AP4E1: variants seen among roughly 807,000 people sequenced by gnomAD.
AP4E1 encodes the protein adaptor related protein complex 4 subunit epsilon 1, also known as AP-4 complex subunit epsilon-1.
AP4E1 carries 56 observed loss-of-function variants against 128.2 expected under a neutral mutation model. The ratio of observed to expected loss-of-function variants is 0.44; its 90% CI spans 0.35 to 0.55. The LOEUF is 0.55. Ranked by LOEUF, AP4E1 falls within the 20% of genes least tolerant of loss-of-function variation. The pLI is 0.00. For synonymous variants in AP4E1, 484 were observed against 473.1 expected (o/e 1.02, Z -0.30); for missense variants, 1,324 against 1,307.7 (o/e 1.01, Z -0.19).
intron 14 of AP4E1, among the ~76,000 whole-genome samples, chr15:50,964,199 T>C (rs186125659): frequency 2.0e-5 from 3 of 152,342 alleles, no homozygotes; most frequent in African/African-American, 7.2e-5. Context: ...TATTTATTTA[T>C]TTTTGTCTGG....
chr15:50,950,057 A>T lies in AP4E1; in HGVS notation c.1436A>T (p.Asp479Val). 6.2e-7 allele frequency: 1 copy of T among 1,611,702 alleles called. No individual in the cohort carries two copies. Among genetic ancestry groups the T allele is most frequent in the Non-Finnish European group, 8.5e-7 (1 of 1,178,038 alleles). Residue 479 changes from aspartate (D) to valine (V), a missense_variant, in exon 13 of 21, where the codon GAT becomes GTT. By Grantham distance (152) the Asp-to-Val change is radical. Coordinates refer to ENST00000261842, the MANE Select transcript of AP4E1 (RefSeq NM_007347.5). ...NFLRLLAEGF[D>V]DETEDQQLRL... Reference sequence around the variant, plus strand: ...TGTATCAATTTCTTTGTAGGTTTTGATGATGAAACAGAAGATCAGCAATTA... The same window carrying T: ...TGTATCAATTTCTTTGTAGGTTTTGTTGATGAAACAGAAGATCAGCAATTA...
At chr15:50,956,614 A>G (rs2064226778) in intron 13 of AP4E1, among the ~76,000 whole-genome samples, 2 of 152,138 alleles carry the variant, frequency 1.3e-5, no homozygotes, top group African/African-American at 4.8e-5. Flanking sequence ...AAGCCAAGTG[A>G]AAGGGGAAGC....
chr15:50,951,841 C>A (rs1006850107), intron 13 of AP4E1, among the ~76,000 whole-genome samples: 1 of 150,156 alleles, frequency 6.7e-6, no homozygotes, highest in African/African-American at 2.5e-5. Flanking sequence ...ATTCTCCTGT[C>A]TTGGCATCCC....
chr15:50,997,342 C>T lies in AP4E1; in HGVS notation c.2363C>T (p.Thr788Ile), dbSNP rs2064889758. The T allele has an allele frequency of 6.3e-7, 1 of 1,598,168 alleles. No homozygotes were observed. Among genetic ancestry groups the T allele is most frequent in the Non-Finnish European group, 8.5e-7 (1 of 1,176,006 alleles). Residue 788 changes from threonine (T) to isoleucine (I), a missense_variant, in exon 18 of 21, where the codon ACT becomes ATT. Coordinates refer to ENST00000261842, the MANE Select transcript of AP4E1 (RefSeq NM_007347.5). ...STINLLGKAD[T>I]VSHKFRRKSK... ...TTTTTGCAGCTGGGAAAAGCAGATA[C>T]TGTCTCTCACAAGTTCAGAAGGAAA...
intron 2 of AP4E1, among the ~76,000 whole-genome samples, chr15:50,912,577 A>G (rs1294744952): frequency 6.6e-6 from 1 of 152,206 alleles, no homozygotes; most frequent in Non-Finnish European, 1.5e-5. Context: ...ATATTCAGCA[A>G]CTATTTAATG....
chr15:50,949,428 A>AT (rs61554948), intron 11 of AP4E1, among the ~76,000 whole-genome samples: 4 of 151,450 alleles, frequency 2.6e-5, no homozygotes, highest in Admixed American at 2.6e-4. Flanking sequence ...AAAAAAAAAA[A>AT]GGAAAAAAAG....
rs539408428 is a variant in AP4E1, at chr15:51,002,622, A to G, written c.3374A>G (p.Tyr1125Cys). The G allele has an allele frequency of 3.7e-6, 6 of 1,614,128 alleles. No homozygotes were observed. Among genetic ancestry groups the G allele is most frequent in the South Asian group, 3.3e-5 (3 of 91,090 alleles). The change falls in exon 21 of 21, where the codon TAT becomes TGT. Residue 1125 changes from tyrosine (Y) to cysteine (C), a missense_variant. By Grantham distance (194) the Tyr-to-Cys change is radical (BLOSUM62 -2). Transcript: ENST00000261842. ...FRSSCSTLPD[Y>C]LLYQCQKVME... Reference sequence around the variant, plus strand: ...TCCTCCTGTTCTACTCTTCCTGACTATTTACTGTATCAGTGTCAAAAGGTG... The same window carrying G: ...TCCTCCTGTTCTACTCTTCCTGACTGTTTACTGTATCAGTGTCAAAAGGTG...
intron 15 of AP4E1, among the ~76,000 whole-genome samples, chr15:50,978,596 C>T (rs1199838233): frequency 6.6e-6 from 1 of 152,118 alleles, no homozygotes; most frequent in Non-Finnish European, 1.5e-5. Context: ...ATAGTTTATA[C>T]TTTATTATGT....
At position 50,908,983 on chromosome 15, in the gene AP4E1, A is replaced by C. The variant is rs1293842607; in HGVS notation, c.150+55A>C. On this transcript the variant is annotated intron_variant, in intron 1 of 20. Transcript: ENST00000261842. ...GACATCGGAGTGAGGCCCCCGCGCCAGGAGGCCCTGGCCGGGCGGCGAGAC... is the reference window on the plus strand; with the variant it reads ...GACATCGGAGTGAGGCCCCCGCGCCCGGAGGCCCTGGCCGGGCGGCGAGAC... 7 of 1,602,222 alleles carry C rather than the reference A, an allele frequency of 4.4e-6. No homozygotes were observed. In the Admixed American group the frequency reaches 1.0e-4, roughly 23 times the overall value.
Position 50,926,075 on chromosome 15 carries a change from TG to T in AP4E1, c.542+857del, listed in dbSNP as rs544419308. Among the ~76,000 whole-genome samples, 240 of 152,276 alleles carry T rather than the reference TG, an allele frequency of 1.6e-3. 1 individual carries two copies. The highest frequency in any genetic ancestry group is 5.4e-3 in the South Asian group (26 of 4,824). ...CTTATCAGACTGACTTACTTTTCACTGTATTTGAATTATTAATATTTTGTTT... is the reference window on the plus strand; with the variant it reads ...CTTATCAGACTGACTTACTTTTCACTTATTTGAATTATTAATATTTTGTTT... On this transcript the variant is annotated intron_variant, in intron 5 of 20. Transcript: ENST00000261842.
intron 14 of AP4E1, among the ~76,000 whole-genome samples, chr15:50,960,272 G>A (rs1462913361): frequency 6.6e-6 from 1 of 152,002 alleles, no homozygotes; most frequent in Non-Finnish European, 1.5e-5. Flanking sequence ...AGACCAAATG[G>A]ACCTAACAGA....
At position 50,983,100 on chromosome 15, in the gene AP4E1, G is replaced by A. The variant is rs561604732; in HGVS notation, c.1967-922G>A. On this transcript the variant is annotated intron_variant, in intron 15 of 20. Transcript: ENST00000261842. ...AGTGGGACCTCATACAAGATAGACGGTTATTGCTTTCTCCTATTAAAGGAA... is the reference window on the plus strand; with the variant it reads ...AGTGGGACCTCATACAAGATAGACGATTATTGCTTTCTCCTATTAAAGGAA... Among the ~76,000 whole-genome samples the A allele has an allele frequency of 9.0e-4, 137 of 152,248 alleles. 1 individual carries two copies. Among genetic ancestry groups the A allele is most frequent in the African/African-American group, 3.1e-3 (129 of 41,550 alleles).
At chr15:50,962,633 C>A (rs2064330877) in intron 14 of AP4E1, among the ~76,000 whole-genome samples, 1 of 151,736 alleles carries the variant, frequency 6.6e-6, no homozygotes, top group Non-Finnish European at 1.5e-5. Flanking sequence ...AATGTAAGAT[C>A]CAAAACTATA....
At chr15:50,997,093 G>T (rs909917761) in intron 17 of AP4E1, among the ~76,000 whole-genome samples, 2 of 152,080 alleles carry the variant, frequency 1.3e-5, no homozygotes, top group Non-Finnish European at 2.9e-5. Context: ...TTCTTCTTCG[G>T]ATTCCATGTG....
At chr15:50,980,934 T>C (rs572296951) in intron 15 of AP4E1, among the ~76,000 whole-genome samples, 180 of 152,326 alleles carry the variant, frequency 1.2e-3, no homozygotes, top group African/African-American at 4.3e-3. Context: ...TTTCAGAAGA[T>C]GTCGTGGACT....
At chr15:50,941,385 A>T (rs1047164622) in intron 8 of AP4E1, 57 bp from the exon 9 acceptor site, 178 of 1,570,242 alleles carry the variant, frequency 1.1e-4, no homozygotes, top group Non-Finnish European at 1.5e-4. Flanking sequence ...CTACACAAAT[A>T]CATTGTTTTG....
At position 50,984,138 on chromosome 15, in the gene AP4E1, C is replaced by A. The variant is rs775541938; in HGVS notation, c.2083C>A (p.Leu695Met). Reference protein sequence around the residue: ...DVSGNSAETGLKETNSLKLEG... With the variant: ...DVSGNSAETGMKETNSLKLEG... Reference sequence around the variant, plus strand: ...ATCTGGGAATAGTGCTGAGACAGGACTGAAAGAGTAAGTTCATTTCTTATT... The same window carrying A: ...ATCTGGGAATAGTGCTGAGACAGGAATGAAAGAGTAAGTTCATTTCTTATT... Residue 695 changes from leucine (L) to methionine (M), a missense_variant, in exon 16 of 21, where the codon CTG becomes ATG. Physicochemically the swap from Leu to Met is conservative, Grantham distance 15. Coordinates refer to ENST00000261842, the MANE Select transcript of AP4E1 (RefSeq NM_007347.5). 1.9e-6 allele frequency: 3 copies of A among 1,613,152 alleles called. No homozygotes were observed. The South Asian group carries it at 3.3e-5, about 18-fold the overall frequency.
intron 16 of AP4E1, among the ~76,000 whole-genome samples, chr15:50,986,519 C>T (rs926856465): frequency 5.3e-5 from 8 of 151,632 alleles, no homozygotes; most frequent in Admixed American, 2.6e-4. Flanking sequence ...TAGCATGAAG[C>T]GCTGTTGAAT....
chr15:50,929,158 G>A lies in AP4E1; in HGVS notation c.692G>A (p.Arg231Lys). 1.9e-6 allele frequency: 3 copies of A among 1,613,576 alleles called. No homozygotes were observed. The highest frequency in any genetic ancestry group is 2.5e-6 in the Non-Finnish European group (3 of 1,179,846). ...GCTGCCTCCTTGCATATATATCTTA[G>A]AATGATTAAGGTAAGTTGGAAATTT... ...VMAASLHIYL[R>K]MIKENSSGYK... Residue 231 changes from arginine (R) to lysine (K), a missense_variant, in exon 6 of 21, where the codon AGA becomes AAA. Coordinates refer to ENST00000261842, the MANE Select transcript of AP4E1 (RefSeq NM_007347.5).
Sources: allele counts gnomAD v4.1 joint callset (sites outside exome capture counted in the v4.1 genomes callset), GRCh38; gene constraint gnomAD v4.1.1; transcripts MANE v1.5; gene names NCBI Gene and HGNC (gene_info 2026-07-23, HGNC 2026-07-21).